Variants in SYNE1 observed in about 807,000 individuals in gnomAD.
The protein encoded by SYNE1 is spectrin repeat containing nuclear envelope protein 1.
A neutral mutation model predicts 1,111.0 loss-of-function variants in SYNE1; 616 were observed. The observed-to-expected ratio is 0.55, with a 90% confidence interval of 0.52 to 0.59. The LOEUF (loss-of-function observed/expected upper bound fraction) is 0.59, where lower values mean the gene tolerates loss of function less well. SYNE1 is among the 20% of genes least tolerant of loss of function. The pLI, the probability that SYNE1 is intolerant of heterozygous loss-of-function variation, is 0.00. For synonymous variants in SYNE1, 3,855 were observed against 3,825.8 expected, an observed-to-expected ratio of 1.01 and a Z score of -0.28; for missense variants, 10,006 against 10,417.0, an observed-to-expected ratio of 0.96 and a Z score of 1.72.
rs1227444931 is a variant in SYNE1, at chr6:152,154,910, T to G, written c.24111A>C (p.Glu8037Asp). The change falls in exon 133 of 146, where the codon GAA (glutamate) becomes GAC (aspartate). Residue 8037 changes from glutamate (E) to aspartate (D), a missense_variant. By Grantham distance (45) the Glu-to-Asp change is conservative. Coordinates refer to ENST00000367255, the MANE Select transcript of SYNE1 (RefSeq NM_182961.4). ...AGATTACCTCAAATTTCTTTAGTTC[T>G]TCCTTGGCAACTGTATAGATCACCC... ...SSGVIYTVAK[E>D]ELKKFEAFQR... 1 of 1,614,168 alleles carries G rather than the reference T, an allele frequency of 6.2e-7. No individual in the cohort carries two copies. Among genetic ancestry groups the G allele is most frequent in the South Asian group, 1.1e-5 (1 of 91,080 alleles).
In SYNE1 at chr6:152,156,103, G is replaced by C. The variant is rs1274791485; in HGVS notation, c.23791-6C>G. 2.5e-6 allele frequency: 4 copies of C among 1,612,100 alleles called. No homozygotes were observed. Among genetic ancestry groups the C allele is most frequent in the Non-Finnish European group, 1.7e-6 (2 of 1,178,234 alleles). The stretch of plus-strand genomic sequence containing the variant: ...TCTATGTCTCTCTGAAGCTCCTGCA[G>C]GGGAACGTAACAGGCTTTATTCAAC... On this transcript the variant is annotated splice_region_variant and splice_polypyrimidine_tract_variant and intron_variant, in intron 131 of 145. Transcript: ENST00000367255.
At chr6:152,577,685 C>G (rs922977863) in intron 3 of SYNE1, among the ~76,000 whole-genome samples, 1 of 152,014 alleles carries the variant, frequency 6.6e-6, no homozygotes. Context: ...CTTCTAAACT[C>G]TGGTGATTTT....
intron 3 of SYNE1, among the ~76,000 whole-genome samples, chr6:152,625,670 A>C (rs945545211): frequency 4.6e-5 from 7 of 152,216 alleles, no homozygotes; most frequent in African/African-American, 1.7e-4. Context: ...TAATTAATGC[A>C]ATAAGTATAG....
chr6:152,130,299 T>C (rs1296348645), intron 145 of SYNE1, among the ~76,000 whole-genome samples: 6 of 152,142 alleles, frequency 3.9e-5, no homozygotes, highest in African/African-American at 1.4e-4. Context: ...GTTGGGGATG[T>C]TAGTATATTT....
chr6:152,170,737 C>T (rs1458928246), intron 130 of SYNE1, among the ~76,000 whole-genome samples: 10 of 152,218 alleles, frequency 6.6e-5, no homozygotes, highest in Non-Finnish European at 1.3e-4. Context: ...ACCTCCACAG[C>T]CTTTGAACTC....
At chr6:152,512,297 G>T (rs947535004) in intron 6 of SYNE1, among the ~76,000 whole-genome samples, 1 of 152,006 alleles carries the variant, frequency 6.6e-6, no homozygotes, top group African/African-American at 2.4e-5. Context: ...ATTGAGAACT[G>T]GTATAGATTA....
chr6:152,221,393 A>G lies in SYNE1; in HGVS notation c.21656+33T>C, dbSNP rs531458904. 4.7e-5 allele frequency: 76 copies of G among 1,610,904 alleles called. 1 individual carries two copies. In the South Asian group the frequency reaches 7.9e-4, roughly 17 times the overall value. ...TCATTATTTATAATAAGGCTGTGAT[A>G]TAAATAGTGTGTAAAGTTAACATAC... On this transcript the variant is annotated intron_variant, in intron 118 of 145. Transcript: ENST00000367255.
chr6:152,240,663 T>A (rs567423019), intron 107 of SYNE1, among the ~76,000 whole-genome samples: 19 of 152,342 alleles, frequency 1.2e-4, no homozygotes, highest in African/African-American at 4.6e-4. Context: ...AGGCACTCCA[T>A]AAATACTTTA....
chr6:152,621,565 A>G (rs2099675430), intron 3 of SYNE1, among the ~76,000 whole-genome samples: 1 of 151,084 alleles, frequency 6.6e-6, no homozygotes, highest in Non-Finnish European at 1.5e-5. Flanking sequence ...GCCATAATTT[A>G]GTATTTGTAA....
chr6:152,263,865 C>A, intron 100 of SYNE1, among the ~76,000 whole-genome samples: 1 of 151,998 alleles, frequency 6.6e-6, no homozygotes, highest in East Asian at 1.9e-4. Flanking sequence ...AGAATACATG[C>A]ATAAGGCCTA....
chr6:152,298,853 T>C (rs1407468543), intron 93 of SYNE1, among the ~76,000 whole-genome samples: 1 of 152,210 alleles, frequency 6.6e-6, no homozygotes, highest in African/African-American at 2.4e-5. Context: ...CATAATACAT[T>C]TCCTTTTTAA....
chr6:152,138,328 T>C (rs548310260), intron 140 of SYNE1, among the ~76,000 whole-genome samples: 1 of 152,002 alleles, frequency 6.6e-6, no homozygotes, highest in East Asian at 1.9e-4. Flanking sequence ...CTGGCCAACA[T>C]GGCAAAACCC....
At position 152,284,166 on chromosome 6, in the gene SYNE1, T is replaced by C. The variant is rs1403636208; in HGVS notation, c.18019A>G (p.Met6007Val). The C allele has an allele frequency of 1.9e-6, 3 of 1,614,092 alleles. No homozygotes were observed. The highest frequency in any genetic ancestry group is 1.1e-5 in the South Asian group (1 of 91,072). Residue 6007 changes from methionine to valine, a missense_variant, in exon 96 of 146, where the codon ATG (methionine) becomes GTG (valine). Physicochemically the swap from Met to Val is conservative, Grantham distance 21. This residue lies in a region of SYNE1 where 4,955 missense variants were observed against 5,017.2 expected (regional missense o/e 0.99). Coordinates refer to ENST00000367255, the MANE Select transcript of SYNE1 (RefSeq NM_182961.4). ...TCCTGGAGCATGAGAATCTCATCCA[T>C]CAATGCCTGGAGGAAAGACTGTGGA... is the stretch of plus-strand genomic sequence containing the variant. The part of the protein sequence containing the change: ...ESQMAEHQAL[M>V]DEILMLQDEI...
At chr6:152,195,793 G>A (rs1262884070) in intron 127 of SYNE1, among the ~76,000 whole-genome samples, 1 of 151,546 alleles carries the variant, frequency 6.6e-6, no homozygotes, top group East Asian at 1.9e-4. Context: ...CTCTCCCAAG[G>A]CCCACTGTAA....
At chr6:152,420,561 T>C (rs895786147) in intron 39 of SYNE1, among the ~76,000 whole-genome samples, 4 of 152,092 alleles carry the variant, frequency 2.6e-5, no homozygotes, top group African/African-American at 9.7e-5. Context: ...TAGAGGTTCC[T>C]GTGAGCTGAG....
Position 152,508,210 on chromosome 6 carries a change from T to C in SYNE1, c.581+1983A>G, listed in dbSNP as rs534110139. Among the ~76,000 whole-genome samples the C allele has an allele frequency of 1.6e-4, 25 of 152,358 alleles. No individual in the cohort carries two copies. In the East Asian group the frequency reaches 3.8e-3, roughly 23 times the overall value. On this transcript the variant is annotated intron_variant, in intron 8 of 145. Transcript: ENST00000367255. ...ACAGTTTGGTAGCATCATGGAATCA[T>C]GTGTTCATTACAGAATTTTTATGGC...
At chr6:152,598,604 G>A (rs907511183) in intron 3 of SYNE1, among the ~76,000 whole-genome samples, 11 of 152,132 alleles carry the variant, frequency 7.2e-5, no homozygotes, top group Non-Finnish European at 1.5e-4. Context: ...TAGCATCATG[G>A]GAATGTGGTG....
Position 152,225,743 on chromosome 6 carries a change from G to A in SYNE1, c.21329C>T (p.Thr7110Ile). 1 of 1,614,096 alleles carries A rather than the reference G, an allele frequency of 6.2e-7. No homozygotes were observed. Among genetic ancestry groups the A allele is most frequent in the South Asian group, 1.1e-5 (1 of 91,082 alleles). ...TACCATGTGATCTAAATTTGCCCAG[G>A]TTTGGCCGAGCTCTCGCAGTGTGCT... ...VMSTLRELGQTWANLDHMVGQ... is the reference protein window; with the variant it reads ...VMSTLRELGQIWANLDHMVGQ... The change falls in exon 116 of 146, where the codon ACC (threonine) becomes ATC (isoleucine). Residue 7110 changes from threonine (T) to isoleucine (I), a missense_variant. Transcript: ENST00000367255.
rs532886259 is a variant in SYNE1, at chr6:152,464,229, G to A, written c.1933-712C>T. ...GTTTCCAACTCATTTTAAATAAAGC[G>A]TATGTGTGCACACGCACACACACAA... On this transcript the variant is annotated intron_variant, in intron 18 of 145. Transcript: ENST00000367255. Among the ~76,000 whole-genome samples the A allele has an allele frequency of 4.6e-5, 7 of 152,210 alleles. No homozygotes were observed. The East Asian group carries it at 1.2e-3, about 25-fold the overall frequency.
Sources: gnomAD v4.1 joint callset for allele counts (sites outside exome capture counted in the v4.1 genomes callset) on GRCh38, gnomAD v4.1.1 for gene constraint, gnomAD v4.1.1 regional missense constraint, MANE v1.5 for transcripts, NCBI Gene and HGNC (gene_info 2026-07-23, HGNC 2026-07-21) for gene names.